Variants in NDST4 observed in about 807,000 individuals in gnomAD.
NDST4 encodes N-heparan sulfate sulfotransferase 4.
A neutral mutation model predicts 100.8 loss-of-function variants in NDST4; 63 were observed. The observed-to-expected ratio is 0.62, with a 90% CI of 0.51 to 0.77. The LOEUF (loss-of-function observed/expected upper bound fraction) is 0.77. Among genes scored for constraint, NDST4 ranks in the 30% least tolerant of loss-of-function variants. The pLI, the probability that NDST4 is intolerant of heterozygous loss-of-function variation, is 0.00. For missense variants in NDST4, 943 were observed against 1,018.4 expected, an observed-to-expected ratio of 0.93 and a Z score of 1.01; for synonymous variants, 377 against 361.8, an observed-to-expected ratio of 1.04 and a Z score of -0.48.
intron 2 of NDST4, among the ~76,000 whole-genome samples, chr4:115,005,736 A>G (rs1389533648): frequency 6.6e-6 from 1 of 152,130 alleles, no homozygotes; most frequent in Non-Finnish European, 1.5e-5. Flanking sequence ...GTTGAGTACA[A>G]GTTAGCTGGA....
intron 2 of NDST4, among the ~76,000 whole-genome samples, chr4:115,032,374 C>T (rs1228889160): frequency 6.6e-6 from 1 of 152,034 alleles, no homozygotes; most frequent in Non-Finnish European, 1.5e-5. Flanking sequence ...AACTAATCTC[C>T]ATTTTTGTTT....
At chr4:114,861,516 T>C (rs934885222) in intron 7 of NDST4, among the ~76,000 whole-genome samples, 2 of 152,164 alleles carry the variant, frequency 1.3e-5, no homozygotes, top group Admixed American at 1.3e-4. Flanking sequence ...GATGGATTGC[T>C]TTACTACAGG....
chr4:115,060,380 T>C (rs900246380), intron 2 of NDST4, among the ~76,000 whole-genome samples: 5 of 151,968 alleles, frequency 3.3e-5, no homozygotes, highest in African/African-American at 1.2e-4. Context: ...AAAAATGCAT[T>C]TTCATTTTGA....
intron 13 of NDST4, among the ~76,000 whole-genome samples, chr4:114,828,525 T>C (rs1272098030): frequency 6.6e-6 from 1 of 152,144 alleles, no homozygotes; most frequent in Non-Finnish European, 1.5e-5. Flanking sequence ...TTCTTATATT[T>C]CTAATCATGT....
intron 2 of NDST4, among the ~76,000 whole-genome samples, chr4:115,038,000 CGAAA>C (rs1423677671): frequency 6.6e-6 from 1 of 151,968 alleles, no homozygotes; most frequent in South Asian, 2.1e-4. Context: ...AGGAAAAATC[CGAAA>C]GAGAGGATGA....
chr4:115,099,505 C>G (rs1460596591), intron 1 of NDST4, among the ~76,000 whole-genome samples: 1 of 151,894 alleles, frequency 6.6e-6, no homozygotes, highest in Non-Finnish European at 1.5e-5. Flanking sequence ...GAAATAAAAA[C>G]CTAAATAGAT....
chr4:115,089,385 ATC>A (rs1729469841), intron 1 of NDST4, among the ~76,000 whole-genome samples: 2 of 13,896 alleles, frequency 1.4e-4, no homozygotes, highest in Non-Finnish European at 2.5e-4. Flanking sequence ...AAAATGTAGG[ATC>A]TTTTAAATGG....
chr4:115,045,144 G>A (rs79167207), intron 2 of NDST4, among the ~76,000 whole-genome samples: 5,731 of 152,056 alleles, frequency 0.038, 372 homozygotes, highest in African/African-American at 0.13. Flanking sequence ...AAGACCTCAA[G>A]TTTTGCATCC....
At chr4:114,950,699 C>T (rs923183108) in intron 4 of NDST4, among the ~76,000 whole-genome samples, 5 of 152,036 alleles carry the variant, frequency 3.3e-5, no homozygotes, top group Non-Finnish European at 7.4e-5. Flanking sequence ...TGTGCTCTTT[C>T]TGCTACTGCT....
At chr4:114,833,361 A>G (rs75902142) in intron 12 of NDST4, among the ~76,000 whole-genome samples, 2 of 152,128 alleles carry the variant, frequency 1.3e-5, no homozygotes, top group Admixed American at 1.3e-4. Flanking sequence ...AATCAAACTG[A>G]TAACAGGGAA....
intron 6 of NDST4, among the ~76,000 whole-genome samples, chr4:114,878,192 T>C (rs935053473): frequency 9.2e-5 from 14 of 152,184 alleles, no homozygotes; most frequent in East Asian, 1.9e-4. Context: ...ACTTCAGTTA[T>C]TGATCTTTCC....
chr4:114,994,457 G>T (rs1266277511), intron 2 of NDST4, among the ~76,000 whole-genome samples: 2 of 151,836 alleles, frequency 1.3e-5, no homozygotes, highest in African/African-American at 2.4e-5. Context: ...GAGCCTAAAA[G>T]TACCTAGAAC....
chr4:114,933,466 C>G (rs1578397934), intron 6 of NDST4, among the ~76,000 whole-genome samples: 1 of 67,666 alleles, frequency 1.5e-5, no homozygotes, highest in South Asian at 3.6e-4. Context: ...TGTGTAAAAA[C>G]CCAAAAGCCC....
chr4:115,037,948 AG>A (rs1728268020), intron 2 of NDST4, among the ~76,000 whole-genome samples: 2 of 152,336 alleles, frequency 1.3e-5, no homozygotes, highest in South Asian at 4.1e-4. Context: ...TTCACAGGTG[AG>A]TTCTATGTAA....
At chr4:115,105,849 A>AAGTATCTAAC (rs1729823207) in intron 1 of NDST4, among the ~76,000 whole-genome samples, 2 of 152,178 alleles carry the variant, frequency 1.3e-5, no homozygotes, top group Admixed American at 6.6e-5. Flanking sequence ...TTGCATAAAA[A>AAGTATCTAAC]AGTATCTAAT....
chr4:114,939,019 A>C (rs1272638059), intron 4 of NDST4, among the ~76,000 whole-genome samples: 1 of 152,220 alleles, frequency 6.6e-6, no homozygotes, highest in Non-Finnish European at 1.5e-5. Flanking sequence ...AAGCTGGAAA[A>C]GTCCAGTAAT....
chr4:114,867,649 A>G (rs1345357562), intron 7 of NDST4, among the ~76,000 whole-genome samples: 18 of 116,722 alleles, frequency 1.5e-4, no homozygotes, highest in Non-Finnish European at 2.8e-4. Context: ...AGAATTATAA[A>G]AAAAAAAAAA....
intron 11 of NDST4, 139 bp from the exon 12 acceptor site, chr4:114,833,854 C>G (rs1048179181): frequency 7.3e-6 from 4 of 551,190 alleles, no homozygotes; most frequent in Non-Finnish European, 1.3e-5. Flanking sequence ...AGAATACATC[C>G]GAATGTTTAT....
intron 10 of NDST4, among the ~76,000 whole-genome samples, chr4:114,842,457 C>T (rs755841934): frequency 2.0e-5 from 3 of 151,402 alleles, no homozygotes; most frequent in African/African-American, 4.9e-5. Flanking sequence ...AGTGTGTCTA[C>T]GAACTCGGAT....
Sources: allele counts gnomAD v4.1 joint callset (sites outside exome capture counted in the v4.1 genomes callset), GRCh38; gene constraint gnomAD v4.1.1; transcripts MANE v1.5; gene names NCBI Gene and HGNC (gene_info 2026-07-23, HGNC 2026-07-21).